Variants in ZBTB44 observed in about 807,000 individuals in gnomAD.
ZBTB44 encodes the protein zinc finger and BTB domain containing 44, also known as zinc finger and BTB domain-containing protein 44.
Under a neutral mutation model 54.0 loss-of-function variants are expected in ZBTB44, and 15 were observed. The observed-to-expected ratio is 0.28, with a 90% CI of 0.19 to 0.43. The LOEUF (loss-of-function observed/expected upper bound fraction) is 0.43, where lower values mean the gene tolerates loss of function less well. ZBTB44 is among the 20% of genes least tolerant of loss of function. The pLI is 1.00. For synonymous variants in ZBTB44, 230 were observed against 250.1 expected, an observed-to-expected ratio of 0.92 and a Z score of 0.76; for missense variants, 487 against 707.1, an observed-to-expected ratio of 0.69 and a Z score of 3.53.
rs142629724 is a variant in ZBTB44, at chr11:130,228,528, G to T, written c.*3236C>A. 4.3e-4 allele frequency: 65 copies of T among 152,250 alleles called. No homozygotes were observed. Among genetic ancestry groups the T allele is most frequent in the African/African-American group, 1.5e-3 (63 of 41,560 alleles). The allele number at this position is 152,250 out of a possible 1,614,324, so 9.4% of individuals were successfully genotyped here. ...AGAAAAGGCTCTCCTTAGAAAGCAG[G>T]TGTTTCTAAGAACTGCAGGAAAGGC... On this transcript the variant is annotated 3_prime_UTR_variant, in exon 8 of 8. Coordinates refer to ENST00000357899, the MANE Select transcript of ZBTB44 (RefSeq NM_001301098.2).
intron 1 of ZBTB44, among the ~76,000 whole-genome samples, chr11:130,262,728 G>T (rs909946324): frequency 6.6e-6 from 1 of 151,822 alleles, no homozygotes; most frequent in African/African-American, 2.4e-5. Flanking sequence ...AAGAAAAAAA[G>T]GAAGTGGAAA....
At chr11:130,259,335 A>G (rs2136421713) in intron 2 of ZBTB44, among the ~76,000 whole-genome samples, 1 of 152,342 alleles carries the variant, frequency 6.6e-6, no homozygotes, top group Middle Eastern at 3.4e-3. Flanking sequence ...GAAATAGGAA[A>G]TGCTTTTACA....
intron 1 of ZBTB44, among the ~76,000 whole-genome samples, chr11:130,289,739 A>C (rs1372653194): frequency 6.6e-6 from 1 of 152,166 alleles, no homozygotes; most frequent in Admixed American, 6.5e-5. Flanking sequence ...GTATGTCCTC[A>C]AGGATGTCAC....
intron 1 of ZBTB44, among the ~76,000 whole-genome samples, chr11:130,267,552 G>T (rs1485180609): frequency 6.6e-6 from 1 of 151,904 alleles, no homozygotes; most frequent in African/African-American, 2.4e-5. Flanking sequence ...ACTATGGTGT[G>T]TATCACCACG....
chr11:130,269,290 A>T (rs372598784), intron 1 of ZBTB44, among the ~76,000 whole-genome samples: 1 of 151,034 alleles, frequency 6.6e-6, no homozygotes, highest in African/African-American at 2.4e-5. Context: ...ACTCCACTAA[A>T]TAATTAATTA....
At chr11:130,251,437 T>C (rs1357958223) in intron 2 of ZBTB44, among the ~76,000 whole-genome samples, 1 of 151,956 alleles carries the variant, frequency 6.6e-6, no homozygotes, top group East Asian at 1.9e-4. Context: ...ATTCAGGAAA[T>C]ACAGAGAACA....
At chr11:130,243,576 C>G (rs1954486007) in intron 2 of ZBTB44, among the ~76,000 whole-genome samples, 1 of 152,188 alleles carries the variant, frequency 6.6e-6, no homozygotes, top group Non-Finnish European at 1.5e-5. Flanking sequence ...CTACAGTCCC[C>G]TGGAGTTTGG....
chr11:130,298,010 G>A (rs940367977), intron 1 of ZBTB44, among the ~76,000 whole-genome samples: 7 of 152,246 alleles, frequency 4.6e-5, no homozygotes, highest in African/African-American at 1.4e-4. Context: ...GCTGGAGTTG[G>A]CTTACTTTAA....
At chr11:130,246,035 T>C (rs1377013906) in intron 2 of ZBTB44, among the ~76,000 whole-genome samples, 1 of 152,174 alleles carries the variant, frequency 6.6e-6, no homozygotes, top group African/African-American at 2.4e-5. Flanking sequence ...GGCTACTGAA[T>C]GCACCAACAG....
intron 1 of ZBTB44, among the ~76,000 whole-genome samples, chr11:130,273,144 A>C (rs1009458427): frequency 1.3e-5 from 2 of 152,168 alleles, no homozygotes; most frequent in Non-Finnish European, 1.5e-5. Context: ...GAATACTGCT[A>C]TCTTTACAAT....
rs1227542963 is a variant in ZBTB44 at position 130,287,765 on chromosome 11, G to A, written c.-56-25836C>T. Reference sequence around the variant, plus strand: ...TAGAGTGGGATTAACACTAGACAGCGGATTTTAAACTCGAATCTCAGGCCT... The same window carrying A: ...TAGAGTGGGATTAACACTAGACAGCAGATTTTAAACTCGAATCTCAGGCCT... On this transcript the variant is annotated intron_variant, in intron 1 of 7. Transcript: ENST00000357899. Among the ~76,000 whole-genome samples, 5 of 151,996 alleles carry A rather than the reference G, an allele frequency of 3.3e-5. No individual in the cohort carries two copies. The South Asian group carries it at 6.2e-4, about 19-fold the overall frequency.
intron 2 of ZBTB44, among the ~76,000 whole-genome samples, chr11:130,259,192 T>C (rs182181032): frequency 6.6e-5 from 10 of 152,306 alleles, no homozygotes; most frequent in South Asian, 2.1e-4. Context: ...CAAGTTACCA[T>C]TGACTTTCTT....
intron 2 of ZBTB44, among the ~76,000 whole-genome samples, chr11:130,246,661 G>A (rs986344781): frequency 6.6e-6 from 1 of 152,128 alleles, no homozygotes; most frequent in Admixed American, 6.5e-5. Flanking sequence ...ATCTCCTACT[G>A]AGTATTTACC....
chr11:130,300,920 G>T (rs1941953440), intron 1 of ZBTB44, among the ~76,000 whole-genome samples: 1 of 152,148 alleles, frequency 6.6e-6, no homozygotes, highest in African/African-American at 2.4e-5. Context: ...AAGGGGTCAG[G>T]CGAGGATACT....
At chr11:130,285,715 G>T in intron 1 of ZBTB44, 1 of 255,164 alleles carries the variant, frequency 3.9e-6, no homozygotes, top group Non-Finnish European at 7.8e-6. Flanking sequence ...CACCTCTCCA[G>T]TTCTTGTACT....
intron 3 of ZBTB44, chr11:130,238,871 A>G: frequency 3.8e-6 from 1 of 261,330 alleles, no homozygotes; most frequent in Non-Finnish European, 7.2e-6. Context: ...AGCAAGGCCT[A>G]TAGATTTTAG....
chr11:130,273,298 ATT>A (rs1939815763), intron 1 of ZBTB44, among the ~76,000 whole-genome samples: 1 of 135,270 alleles, frequency 7.4e-6, no homozygotes, highest in South Asian at 2.3e-4. Context: ...GAATAAAATT[ATT>A]TTCTTAATTT....
chr11:130,234,114 C>A lies in ZBTB44; in HGVS notation c.1686+42G>T, dbSNP rs1021262206. ...CTTTTTCTGCCAGCCCACCAAGAGA[C>A]CCCAAGGGAAAAGTGCTTTCACAAT... is the stretch of plus-strand genomic sequence containing the variant. On this transcript the variant is annotated intron_variant, in intron 6 of 7. Transcript: ENST00000357899. The A allele has an allele frequency of 2.6e-6, 4 of 1,543,428 alleles. No homozygotes were observed. In the Admixed American group the frequency reaches 6.1e-5, roughly 23 times the overall value.
chr11:130,235,005 TA>T (rs1954045522), intron 5 of ZBTB44, among the ~76,000 whole-genome samples: 1 of 152,200 alleles, frequency 6.6e-6, no homozygotes, highest in Non-Finnish European at 1.5e-5. Context: ...CTGTATTTCC[TA>T]AATTTCCTAC....
Sources: gnomAD v4.1 joint callset for allele counts (sites outside exome capture counted in the v4.1 genomes callset) on GRCh38, gnomAD v4.1.1 for gene constraint, MANE v1.5 for transcripts, NCBI Gene and HGNC (gene_info 2026-07-23, HGNC 2026-07-21) for gene names.